Variants in AXDND1 observed in about 807,000 individuals in gnomAD.
AXDND1 encodes the protein axonemal dynein light chain domain containing 1.
A neutral mutation model predicts 137.5 loss-of-function variants in AXDND1; 110 were observed. That is an observed-to-expected ratio of 0.80 (90% CI 0.69 to 0.94). The LOEUF is 0.94. Ranked by LOEUF, AXDND1 falls within the 40% of genes least tolerant of loss-of-function variation. The probability of loss-of-function intolerance (pLI) is 0.00; values close to 1 mark genes in which losing one functional copy is unlikely to be tolerated. For synonymous variants in AXDND1, 414 were observed against 399.7 expected, an observed-to-expected ratio of 1.04 and a Z score of -0.43; for missense variants, 1,191 against 1,169.8, an observed-to-expected ratio of 1.02 and a Z score of -0.26.
chr1:179,371,582 G>A (rs1009570220), intron 4 of AXDND1, among the ~76,000 whole-genome samples: 1 of 152,094 alleles, frequency 6.6e-6, no homozygotes, highest in Admixed American at 6.5e-5. Context: ...TACCTCACCT[G>A]GGAAAAGGGA....
intron 16 of AXDND1, 46 bp from the exon 17 acceptor site, chr1:179,468,397 G>A (rs1302067628): frequency 1.5e-6 from 2 of 1,337,414 alleles, no homozygotes; most frequent in East Asian, 4.7e-5. Context: ...TAAAATAGTA[G>A]TCTTACAAAT....
intron 20 of AXDND1, among the ~76,000 whole-genome samples, chr1:179,502,302 C>G (rs570798948): frequency 6.6e-6 from 1 of 152,240 alleles, no homozygotes; most frequent in South Asian, 2.1e-4. Flanking sequence ...TGGTGGCTTA[C>G]GCCTGTAATC....
At chr1:179,530,694 A>T (rs967035336) in intron 23 of AXDND1, among the ~76,000 whole-genome samples, 1 of 152,188 alleles carries the variant, frequency 6.6e-6, no homozygotes, top group African/African-American at 2.4e-5. Flanking sequence ...ACTACAGATC[A>T]CTAAAGACCA....
At chr1:179,377,739 A>C (rs1199872770) in intron 4 of AXDND1, among the ~76,000 whole-genome samples, 1 of 152,244 alleles carries the variant, frequency 6.6e-6, no homozygotes, top group East Asian at 1.9e-4. Flanking sequence ...GGCAGTGGTA[A>C]TCACCATCAG....
At chr1:179,399,396 T>A (rs1445707491) in intron 11 of AXDND1, among the ~76,000 whole-genome samples, 2 of 152,202 alleles carry the variant, frequency 1.3e-5, no homozygotes, top group Non-Finnish European at 2.9e-5. Flanking sequence ...TGATACCAGA[T>A]CCTCATCTCT....
At chr1:179,367,399 C>T (rs1667548558) in intron 2 of AXDND1, among the ~76,000 whole-genome samples, 1 of 151,886 alleles carries the variant, frequency 6.6e-6, no homozygotes. Flanking sequence ...CCTGTAGTCC[C>T]AGCTACTCAG....
intron 20 of AXDND1, among the ~76,000 whole-genome samples, chr1:179,495,993 C>T (rs542784376): frequency 6.8e-6 from 1 of 146,578 alleles, no homozygotes; most frequent in Admixed American, 7.0e-5. Flanking sequence ...TTTTTTAGTG[C>T]GTTAATATGG....
intron 15 of AXDND1, among the ~76,000 whole-genome samples, chr1:179,434,751 G>A (rs1360464924): frequency 6.6e-6 from 1 of 152,118 alleles, no homozygotes; most frequent in Non-Finnish European, 1.5e-5. Flanking sequence ...ATATCATACT[G>A]AATGGGCAAA....
At chr1:179,447,154 T>C (rs893462077) in intron 16 of AXDND1, among the ~76,000 whole-genome samples, 3 of 152,112 alleles carry the variant, frequency 2.0e-5, no homozygotes, top group Non-Finnish European at 4.4e-5. Context: ...AATACAGGGG[T>C]ATATTTGTTC....
chr1:179,518,267 G>T (rs1464672317), intron 21 of AXDND1, among the ~76,000 whole-genome samples: 1 of 152,058 alleles, frequency 6.6e-6, no homozygotes, highest in Non-Finnish European at 1.5e-5. Flanking sequence ...TTTAAAAACA[G>T]CTGTATTCAA....
At chr1:179,544,629 G>C (rs3754133) in intron 25 of AXDND1, 1 of 137,698 alleles carries the variant, frequency 7.3e-6, no homozygotes, top group African/African-American at 2.7e-5. Flanking sequence ...AGCTCAGATC[G>C]CGCCACTGCA....
At chr1:179,390,020 T>G (rs535368567) in intron 9 of AXDND1, among the ~76,000 whole-genome samples, 1 of 151,556 alleles carries the variant, frequency 6.6e-6, no homozygotes, top group East Asian at 1.9e-4. Context: ...TAGATCAGTT[T>G]TTTTTTTTTT....
At chr1:179,479,091 G>T (rs937555980) in intron 17 of AXDND1, among the ~76,000 whole-genome samples, 3 of 151,976 alleles carry the variant, frequency 2.0e-5, no homozygotes, top group Admixed American at 6.6e-5. Context: ...GACAGAGAGA[G>T]ACTCTGTCTC....
At chr1:179,553,912 A>ATTTTTTT (rs11422639) in intron 25 of AXDND1, among the ~76,000 whole-genome samples, 1 of 131,876 alleles carries the variant, frequency 7.6e-6, no homozygotes, top group Non-Finnish European at 1.6e-5. Context: ...CCCCTGGCTA[A>ATTTTTTT]TTTTTTTTTT....
At position 179,421,410 on chromosome 1, in the gene AXDND1, G is replaced by T. The variant is rs558067481; in HGVS notation, c.1231-8108G>T. On this transcript the variant is annotated intron_variant, in intron 12 of 25. Transcript: ENST00000367618. ...TTTTTTTTTTTTGAGACAGAGTCTT[G>T]CTCTTTCACCCAGGCTGTAGTGTAG... is the stretch of plus-strand genomic sequence containing the variant. Among the ~76,000 whole-genome samples the T allele has an allele frequency of 5.1e-4, 53 of 103,772 alleles. 2 individuals carry two copies. The South Asian group carries it at 0.014, about 28-fold the overall frequency. The allele number at this position is 103,772 out of a possible 152,430, so 68.1% of individuals were successfully genotyped here.
intron 22 of AXDND1, 72 bp downstream of exon 22, chr1:179,525,519 C>T (rs1462861078): frequency 6.8e-7 from 1 of 1,461,264 alleles, no homozygotes; most frequent in Non-Finnish European, 9.1e-7. Context: ...ATTTTAGAGA[C>T]AGGGTCCTGC....
chr1:179,449,526 A>G (rs973407148), intron 16 of AXDND1: 2 of 154,158 alleles, frequency 1.3e-5, no homozygotes, highest in Non-Finnish European at 2.9e-5. Context: ...TATGAATTTT[A>G]TAATCAGCTT....
intron 16 of AXDND1, chr1:179,447,883 G>C: frequency 1.5e-6 from 2 of 1,350,708 alleles, no homozygotes; most frequent in Non-Finnish European, 2.1e-6. Flanking sequence ...AGGAGCTCCA[G>C]GGGACACATT....
chr1:179,422,706 T>C (rs1655944505), intron 12 of AXDND1, among the ~76,000 whole-genome samples: 1 of 152,198 alleles, frequency 6.6e-6, no homozygotes, highest in African/African-American at 2.4e-5. Flanking sequence ...TTCTTGTCTG[T>C]CCATTACTGA....
Sources: allele counts gnomAD v4.1 joint callset (sites outside exome capture counted in the v4.1 genomes callset), GRCh38; gene constraint gnomAD v4.1.1; transcripts MANE v1.5; gene names NCBI Gene and HGNC (gene_info 2026-07-23, HGNC 2026-07-21).